The following EPHA6 variants were observed in gnomAD, a reference collection of about 807,000 sequenced individuals.
The protein encoded by EPHA6 is ephrin type-A receptor 6.
Under a neutral mutation model 112.0 loss-of-function variants are expected in EPHA6, and 50 were observed. The observed-to-expected ratio is 0.45, with a 90% CI of 0.36 to 0.56. The LOEUF (loss-of-function observed/expected upper bound fraction) is 0.56. EPHA6 is among the 20% of genes least tolerant of loss of function. The pLI is 0.00. For synonymous variants in EPHA6, 529 were observed against 490.7 expected, an observed-to-expected ratio of 1.08 and a Z score of -1.03; for missense variants, 1,280 against 1,417.4, an observed-to-expected ratio of 0.90 and a Z score of 1.56.
rs548871130 is a variant in EPHA6 at position 97,574,393 on chromosome 3, A to C, written c.2387-18219A>C. 9.8e-5 allele frequency among the ~76,000 whole-genome samples: 15 copies of C among 152,300 alleles called. No homozygotes were observed. The South Asian group carries it at 1.9e-3, about 19-fold the overall frequency. On this transcript the variant is annotated intron_variant, in intron 11 of 17. Coordinates refer to ENST00000389672, the MANE Select transcript of EPHA6 (RefSeq NM_001080448.3). ...GAGTAACACTTAAGCAGAGTCTTGAAGGATGAGTAAAATGTGGGTTAGAAA... is the reference window on the plus strand; with the variant it reads ...GAGTAACACTTAAGCAGAGTCTTGACGGATGAGTAAAATGTGGGTTAGAAA...
intron 4 of EPHA6, among the ~76,000 whole-genome samples, chr3:97,232,206 T>C (rs867110994): frequency 1.3e-5 from 2 of 152,296 alleles, no homozygotes; most frequent in Middle Eastern, 3.4e-3. Flanking sequence ...ACCATCCATA[T>C]TGATAACAAT....
intron 10 of EPHA6, among the ~76,000 whole-genome samples, chr3:97,495,458 A>G (rs1361249278): frequency 6.6e-6 from 1 of 151,934 alleles, no homozygotes; most frequent in Non-Finnish European, 1.5e-5. Flanking sequence ...TCTAGTATAT[A>G]TAGAATATAT....
chr3:97,057,200 C>T (rs949009384), intron 3 of EPHA6, among the ~76,000 whole-genome samples: 2 of 152,156 alleles, frequency 1.3e-5, no homozygotes, highest in African/African-American at 4.8e-5. Context: ...TAACCATCAT[C>T]CCACACACTT....
chr3:96,856,060 C>A (rs2107399124), intron 1 of EPHA6, among the ~76,000 whole-genome samples: 1 of 152,114 alleles, frequency 6.6e-6, no homozygotes, highest in Admixed American at 6.5e-5. Flanking sequence ...GTAACATGGG[C>A]AAACCCCATC....
In EPHA6 at chr3:97,231,817, G is replaced by T. The variant is rs908293919; in HGVS notation, c.1270+5398G>T. Reference sequence around the variant, plus strand: ...GAAGAATAGATGAAATGTCTTTCTGGGCTTGGTGATGACTTATAGTCGTTT... The same window carrying T: ...GAAGAATAGATGAAATGTCTTTCTGTGCTTGGTGATGACTTATAGTCGTTT... On this transcript the variant is annotated intron_variant, in intron 4 of 17. Transcript: ENST00000389672. 3.3e-5 allele frequency among the ~76,000 whole-genome samples: 5 copies of T among 152,130 alleles called. No individual in the cohort carries two copies. In the East Asian group the frequency reaches 9.6e-4, roughly 29 times the overall value.
At chr3:97,554,245 G>A (rs937296623) in intron 11 of EPHA6, among the ~76,000 whole-genome samples, 2 of 151,942 alleles carry the variant, frequency 1.3e-5, no homozygotes, top group Admixed American at 1.3e-4. Context: ...ATTATTAAAG[G>A]TAAAATCTGA....
chr3:97,394,202 A>T (rs1278502276), intron 5 of EPHA6, among the ~76,000 whole-genome samples: 1 of 151,894 alleles, frequency 6.6e-6, no homozygotes, highest in Non-Finnish European at 1.5e-5. Flanking sequence ...CATTGCTGGG[A>T]AAACAAAATA....
chr3:97,129,242 G>A (rs1050336903), intron 3 of EPHA6, among the ~76,000 whole-genome samples: 26 of 152,188 alleles, frequency 1.7e-4, no homozygotes, highest in African/African-American at 5.5e-4. Context: ...GCTCATGCCT[G>A]TAATCCCAGC....
rs139738041 is a variant in EPHA6 at position 97,620,454 on chromosome 3, A to G, written c.2574+9600A>G. On this transcript the variant is annotated intron_variant, in intron 13 of 17. Coordinates refer to ENST00000389672, the MANE Select transcript of EPHA6 (RefSeq NM_001080448.3). ...AACTAAAGAGCTTCCACATAGCAAA[A>G]GAAACTATTATCAGAGTAAATGGAC... Among the ~76,000 whole-genome samples, 83 of 152,252 alleles carry G rather than the reference A, an allele frequency of 5.5e-4. 1 individual carries two copies. Among genetic ancestry groups the G allele is most frequent in the African/African-American group, 1.8e-3 (75 of 41,582 alleles).
chr3:97,169,916 A>G (rs1031005363), intron 3 of EPHA6, among the ~76,000 whole-genome samples: 2 of 152,164 alleles, frequency 1.3e-5, no homozygotes, highest in Non-Finnish European at 2.9e-5. Flanking sequence ...TTGAACAATG[A>G]GCATGCATGG....
chr3:97,719,449 G>A (rs1309337956), intron 14 of EPHA6, among the ~76,000 whole-genome samples: 2 of 152,052 alleles, frequency 1.3e-5, no homozygotes, highest in Non-Finnish European at 2.9e-5. Flanking sequence ...GAGCTGCAGG[G>A]ATTTTAAAAT....
chr3:97,225,282 T>G (rs930509798), intron 3 of EPHA6, among the ~76,000 whole-genome samples: 4 of 152,194 alleles, frequency 2.6e-5, no homozygotes, highest in African/African-American at 9.7e-5. Flanking sequence ...AACAGACCTA[T>G]CCTGTCGAAT....
intron 10 of EPHA6, among the ~76,000 whole-genome samples, chr3:97,514,143 TG>T (rs2092409500): frequency 6.6e-6 from 1 of 152,186 alleles, no homozygotes; most frequent in Admixed American, 6.5e-5. Flanking sequence ...TCAGATTCAC[TG>T]GCTAAAATCA....
rs184426818 is a variant in EPHA6, at chr3:97,614,462, G to A, written c.2574+3608G>A. ...TGATTCTCCTGCCTCAGCCTCCCAA[G>A]TAACTGGAACTACAGGTGTGCACCA... On this transcript the variant is annotated intron_variant, in intron 13 of 17. Transcript: ENST00000389672. Among the ~76,000 whole-genome samples, 296 of 145,186 alleles carry A rather than the reference G, an allele frequency of 2.0e-3. 1 individual carries two copies. Among genetic ancestry groups the A allele is most frequent in the African/African-American group, 7.0e-3 (277 of 39,718 alleles).
At chr3:97,183,355 A>T (rs1325777806) in intron 3 of EPHA6, among the ~76,000 whole-genome samples, 1 of 152,146 alleles carries the variant, frequency 6.6e-6, no homozygotes, top group African/African-American at 2.4e-5. Context: ...AATTAAAATG[A>T]TGAGGTACAA....
At chr3:97,342,346 G>C (rs994960562) in intron 5 of EPHA6, among the ~76,000 whole-genome samples, 1 of 152,156 alleles carries the variant, frequency 6.6e-6, no homozygotes, top group Admixed American at 6.5e-5. Context: ...CACTATCATA[G>C]TAAAGAAACA....
intron 10 of EPHA6, among the ~76,000 whole-genome samples, chr3:97,487,698 G>A (rs985533502): frequency 7.9e-5 from 12 of 152,116 alleles, no homozygotes; most frequent in Admixed American, 7.9e-4. Context: ...GTGTATCACT[G>A]TTCTATTTAA....
At chr3:97,154,973 A>C (rs1441339588) in intron 3 of EPHA6, among the ~76,000 whole-genome samples, 7 of 152,162 alleles carry the variant, frequency 4.6e-5, no homozygotes, top group Non-Finnish European at 7.3e-5. Context: ...TGTTTGTATG[A>C]CTTAGGTAAA....
chr3:97,597,240 A>C (rs1266560453), intron 12 of EPHA6, among the ~76,000 whole-genome samples: 2 of 152,046 alleles, frequency 1.3e-5, no homozygotes, highest in African/African-American at 4.8e-5. Context: ...CTGTGCTTTA[A>C]GTACAATGCT....
Sources: gnomAD v4.1 joint callset for allele counts (sites outside exome capture counted in the v4.1 genomes callset) on GRCh38, gnomAD v4.1.1 for gene constraint, MANE v1.5 for transcripts, NCBI Gene and HGNC (gene_info 2026-07-23, HGNC 2026-07-21) for gene names.